TSPAN9: variants seen among roughly 807,000 people sequenced by gnomAD.
TSPAN9 encodes the protein tetraspanin-9.
In TSPAN9, 16 loss-of-function variants were observed where a neutral mutation model predicts 31.0. The ratio of observed to expected loss-of-function variants is 0.52; its 90% CI spans 0.35 to 0.78. The LOEUF (loss-of-function observed/expected upper bound fraction) is 0.78, where lower values mean the gene tolerates loss of function less well. Ranked by LOEUF, TSPAN9 falls within the 30% of genes least tolerant of loss-of-function variation. TSPAN9 has a pLI of 0.01. For missense variants in TSPAN9, 272 were observed against 312.5 expected (o/e 0.87, Z 0.98); for synonymous variants, 145 against 121.6 (o/e 1.19, Z -1.27).
At chr12:3,136,753 A>G (rs1342761777) in intron 2 of TSPAN9, among the ~76,000 whole-genome samples, 1 of 152,088 alleles carries the variant, frequency 6.6e-6, no homozygotes, top group Non-Finnish European at 1.5e-5. Context: ...AGTAAACAGG[A>G]GCTGGAGGGA....
chr12:3,079,014 CTG>C (rs1565567299), intron 1 of TSPAN9, among the ~76,000 whole-genome samples: 1 of 146,242 alleles, frequency 6.8e-6, no homozygotes. Flanking sequence ...GAGTCTCACT[CTG>C]TTGCCCAGGC....
intron 7 of TSPAN9, 31 bp downstream of exon 7, chr12:3,281,360 AGAGCCCGTGTGTGGATGCCCCGGCACGGG>A (rs1862891169): frequency 6.5e-7 from 1 of 1,535,448 alleles, no homozygotes; most frequent in East Asian, 2.5e-5. Context: ...CTTGGGTCCA[AGAGCCCGTGTGTGGATGCCCCGGCACGGG>A]GAGCCCTATA....
chr12:3,207,794 C>T (rs1180774897), intron 3 of TSPAN9, among the ~76,000 whole-genome samples: 2 of 143,758 alleles, frequency 1.4e-5, no homozygotes, highest in African/African-American at 5.0e-5. Flanking sequence ...GGTGGGTGAC[C>T]GGCCAAGGAG....
chr12:3,161,532 C>T (rs1397853856), intron 2 of TSPAN9, among the ~76,000 whole-genome samples: 1 of 152,142 alleles, frequency 6.6e-6, no homozygotes, highest in Non-Finnish European at 1.5e-5. Flanking sequence ...CTTTAAAACC[C>T]ACCACCTGGG....
Position 3,210,349 on chromosome 12 carries a change from G to T in TSPAN9, c.63+9093G>T, listed in dbSNP as rs138289737. Among the ~76,000 whole-genome samples, 230 of 152,190 alleles carry T rather than the reference G, an allele frequency of 1.5e-3. 2 individuals carry two copies. Among genetic ancestry groups the T allele is most frequent in the African/African-American group, 5.2e-3 (218 of 41,536 alleles). On this transcript the variant is annotated intron_variant, in intron 3 of 8. Coordinates refer to ENST00000011898, the MANE Select transcript of TSPAN9 (RefSeq NM_006675.5). ...GGAGAGTCAATGGGGAATGGTTTTT[G>T]GCATTCTCCAGTACAGTGGATGTAA...
At chr12:3,212,920 C>T (rs550224205) in intron 3 of TSPAN9, among the ~76,000 whole-genome samples, 10 of 152,020 alleles carry the variant, frequency 6.6e-5, no homozygotes, top group Admixed American at 2.6e-4. Context: ...AGATGTACAA[C>T]GTGGGAGGAT....
Position 3,187,903 on chromosome 12 carries a change from C to T in TSPAN9, c.-17-13274C>T, listed in dbSNP as rs1027667159. On this transcript the variant is annotated intron_variant, in intron 2 of 8. Transcript: ENST00000011898. The surrounding 1 kb of genome is among the most constrained non-coding windows in gnomAD (Gnocchi z 5.2). ...TGTACTCAGGGGTACTTCTGTCCCA[C>T]CCTTTCATTTGATTGCTCTTTGCCC... Among the ~76,000 whole-genome samples, 2 of 152,174 alleles carry T rather than the reference C, an allele frequency of 1.3e-5. No individual in the cohort carries two copies. The highest frequency in any genetic ancestry group is 4.1e-4 in the South Asian group (2 of 4,822).
chr12:3,205,874 G>T (rs1333352115), intron 3 of TSPAN9, among the ~76,000 whole-genome samples: 1 of 152,140 alleles, frequency 6.6e-6, no homozygotes, highest in Non-Finnish European at 1.5e-5. Context: ...CTGGAATGTG[G>T]CCGTGAGGGA....
chr12:3,219,453 C>T (rs947776979), intron 3 of TSPAN9, among the ~76,000 whole-genome samples: 3 of 152,266 alleles, frequency 2.0e-5, no homozygotes, highest in Admixed American at 1.3e-4. Flanking sequence ...CGGTGTGGGT[C>T]GGGCACCTGT....
intron 2 of TSPAN9, among the ~76,000 whole-genome samples, chr12:3,178,629 C>G (rs1051289800): frequency 6.6e-6 from 1 of 152,210 alleles, no homozygotes; most frequent in Non-Finnish European, 1.5e-5. Context: ...TATCCCGGTG[C>G]CTGACGCTTA....
At chr12:3,282,131 C>T (rs1422456564) in intron 8 of TSPAN9, 17 of 622,866 alleles carry the variant, frequency 2.7e-5, no homozygotes, top group Non-Finnish European at 1.5e-5. Context: ...CCATGCAAGA[C>T]ACACACGGTG....
intron 3 of TSPAN9, among the ~76,000 whole-genome samples, chr12:3,226,876 G>A (rs2098388121): frequency 6.9e-6 from 1 of 145,498 alleles, no homozygotes; most frequent in African/African-American, 2.6e-5. Flanking sequence ...GGGACAACAG[G>A]CATACACCAC....
At chr12:3,250,628 CCTT>C (rs1351260221) in intron 3 of TSPAN9, among the ~76,000 whole-genome samples, 3 of 152,364 alleles carry the variant, frequency 2.0e-5, no homozygotes, top group South Asian at 2.1e-4. Flanking sequence ...GACGCCCTGT[CCTT>C]CTCCCACTCC....
chr12:3,183,710 C>G (rs982095858), intron 2 of TSPAN9, among the ~76,000 whole-genome samples: 4 of 152,172 alleles, frequency 2.6e-5, no homozygotes, highest in African/African-American at 9.7e-5. Flanking sequence ...TCTGGAGCAA[C>G]TGGCCTGGGA....
intron 2 of TSPAN9, among the ~76,000 whole-genome samples, chr12:3,085,149 G>A (rs1172163400): frequency 6.6e-6 from 1 of 151,990 alleles, no homozygotes; most frequent in Non-Finnish European, 1.5e-5. Flanking sequence ...TTGGGAGGCT[G>A]AGGCAGGAGT....
At chr12:3,096,222 C>T (rs1475127566) in intron 2 of TSPAN9, among the ~76,000 whole-genome samples, 1 of 152,216 alleles carries the variant, frequency 6.6e-6, no homozygotes, top group Non-Finnish European at 1.5e-5. Flanking sequence ...ACTGCCACAT[C>T]CTAAACCCAG....
At chr12:3,209,986 ATT>A (rs371532594) in intron 3 of TSPAN9, among the ~76,000 whole-genome samples, 1,084 of 38,722 alleles carry the variant, frequency 0.028, 301 homozygotes, top group Non-Finnish European at 0.061. Context: ...AAAAAAAAAA[ATT>A]AGCCGGGTGT....
At chr12:3,095,532 C>G (rs756270726) in intron 2 of TSPAN9, among the ~76,000 whole-genome samples, 10 of 96,628 alleles carry the variant, frequency 1.0e-4, no homozygotes, top group East Asian at 3.1e-4. Context: ...CCGGACGGGG[C>G]GGCTGGCCGG....
intron 2 of TSPAN9, among the ~76,000 whole-genome samples, chr12:3,149,047 C>T (rs1356424032): frequency 5.3e-5 from 8 of 152,164 alleles, no homozygotes; most frequent in African/African-American, 1.2e-4. Flanking sequence ...TTCAGCCCCC[C>T]GCCATTTGTC....
Sources: gnomAD v4.1 joint callset for allele counts (sites outside exome capture counted in the v4.1 genomes callset) on GRCh38, gnomAD v4.1.1 for gene constraint, Gnocchi (gnomAD v3.1) non-coding constraint, MANE v1.5 for transcripts, NCBI Gene and HGNC (gene_info 2026-07-23, HGNC 2026-07-21) for gene names.